Variants in CHCHD6 observed in about 807,000 individuals in gnomAD.
The protein encoded by CHCHD6 is coiled-coil-helix-coiled-coil-helix domain containing 6, also known as MICOS complex subunit MIC25.
A neutral mutation model predicts 32.3 loss-of-function variants in CHCHD6; 28 were observed. The observed-to-expected ratio is 0.87, with a 90% CI of 0.64 to 1.19. The LOEUF is 1.19. Among genes scored for constraint, CHCHD6 ranks in the 50% most tolerant of loss-of-function variants. The probability of loss-of-function intolerance (pLI) is 0.00; values close to 1 mark genes in which losing one functional copy is unlikely to be tolerated. For synonymous variants in CHCHD6, 122 were observed against 117.5 expected (o/e 1.04, Z -0.25); for missense variants, 333 against 307.0 (o/e 1.08, Z -0.63).
At chr3:126,780,484 T>A (rs554634262) in intron 4 of CHCHD6, 42 of 250,424 alleles carry the variant, frequency 1.7e-4, no homozygotes, top group South Asian at 4.2e-5. Context: ...CTGATGCATA[T>A]ACAAAATAGT....
chr3:126,854,108 C>T (rs529969500), intron 5 of CHCHD6, among the ~76,000 whole-genome samples: 6 of 152,244 alleles, frequency 3.9e-5, no homozygotes, highest in African/African-American at 1.2e-4. Context: ...TGTCATTCTC[C>T]CCTCTCATCT....
chr3:126,929,199 T>A (rs941507883), intron 6 of CHCHD6, among the ~76,000 whole-genome samples: 3 of 152,202 alleles, frequency 2.0e-5, no homozygotes, highest in Admixed American at 2.0e-4. Flanking sequence ...ACACCTGACT[T>A]GGAGTCCCTG....
At chr3:126,952,573 G>A (rs2078729787) in intron 6 of CHCHD6, among the ~76,000 whole-genome samples, 1 of 152,194 alleles carries the variant, frequency 6.6e-6, no homozygotes, top group South Asian at 2.1e-4. Flanking sequence ...GCCGTCAGCT[G>A]AGCAGTGAGG....
intron 6 of CHCHD6, among the ~76,000 whole-genome samples, chr3:126,954,221 C>T (rs571675469): frequency 4.6e-5 from 7 of 152,270 alleles, no homozygotes; most frequent in South Asian, 2.1e-4. Context: ...GGATAGATTT[C>T]GCCATGGCCC....
At chr3:126,706,196 G>A (rs933936904) in intron 1 of CHCHD6, among the ~76,000 whole-genome samples, 35 of 152,164 alleles carry the variant, frequency 2.3e-4, no homozygotes, top group African/African-American at 8.2e-4. Flanking sequence ...CTTTGGGGGT[G>A]CCTTCTTTCA....
intron 4 of CHCHD6, among the ~76,000 whole-genome samples, chr3:126,779,145 G>A (rs1375125686): frequency 6.6e-6 from 1 of 152,000 alleles, no homozygotes; most frequent in Non-Finnish European, 1.5e-5. Flanking sequence ...CACTGTGCCT[G>A]GTAATTTTTC....
chr3:126,716,849 C>A (rs1173774711), intron 1 of CHCHD6, among the ~76,000 whole-genome samples: 7 of 151,956 alleles, frequency 4.6e-5, no homozygotes, highest in Admixed American at 4.6e-4. Context: ...ACAGGGGAGT[C>A]GGGGAAATGC....
intron 5 of CHCHD6, among the ~76,000 whole-genome samples, chr3:126,880,925 T>G (rs1287057003): frequency 6.6e-6 from 1 of 152,180 alleles, no homozygotes; most frequent in Non-Finnish European, 1.5e-5. Flanking sequence ...GGAACATGGA[T>G]CTAATGCACA....
chr3:126,830,410 G>A (rs1404309820), intron 4 of CHCHD6, among the ~76,000 whole-genome samples: 1 of 152,220 alleles, frequency 6.6e-6, no homozygotes, highest in Non-Finnish European at 1.5e-5. Context: ...TGTGGCTTCA[G>A]CTGCCATGCA....
intron 6 of CHCHD6, among the ~76,000 whole-genome samples, chr3:126,939,670 A>C (rs527884960): frequency 9.2e-5 from 14 of 152,256 alleles, no homozygotes; most frequent in Non-Finnish European, 1.5e-4. Context: ...GACATGGAAC[A>C]AGATGGGACG....
intron 4 of CHCHD6, among the ~76,000 whole-genome samples, chr3:126,822,809 C>T (rs73203604): frequency 0.11 from 17,122 of 152,152 alleles, 1,016 homozygotes; most frequent in Middle Eastern, 0.21. Flanking sequence ...TGGATTGTTT[C>T]TAGACTGTGT....
intron 4 of CHCHD6, among the ~76,000 whole-genome samples, chr3:126,758,788 C>T (rs925161766): frequency 1.3e-5 from 2 of 152,114 alleles, no homozygotes; most frequent in Admixed American, 6.5e-5. Context: ...GGTCTGAGAC[C>T]GCCCTGTGTC....
intron 6 of CHCHD6, among the ~76,000 whole-genome samples, chr3:126,941,576 G>A (rs1298554243): frequency 5.9e-5 from 9 of 152,094 alleles, no homozygotes; most frequent in Non-Finnish European, 1.3e-4. Context: ...GGATAAGTGC[G>A]TCCTTTTGAG....
intron 4 of CHCHD6, among the ~76,000 whole-genome samples, chr3:126,739,550 T>G (rs941537849): frequency 6.6e-6 from 1 of 152,170 alleles, no homozygotes; most frequent in Non-Finnish European, 1.5e-5. Flanking sequence ...GCACTGGTGG[T>G]GGTCCAAGTT....
chr3:126,926,409 T>C, intron 6 of CHCHD6, among the ~76,000 whole-genome samples: 1 of 152,128 alleles, frequency 6.6e-6, no homozygotes, highest in Middle Eastern at 3.2e-3. Flanking sequence ...GCCGCAGCTG[T>C]GAATGAGGAA....
intron 6 of CHCHD6, among the ~76,000 whole-genome samples, chr3:126,953,529 C>T (rs1296444035): frequency 6.6e-6 from 1 of 152,246 alleles, no homozygotes; most frequent in East Asian, 1.9e-4. Flanking sequence ...CCTGGCCCCA[C>T]CTCGGTTTCT....
intron 5 of CHCHD6, among the ~76,000 whole-genome samples, chr3:126,866,981 A>G (rs1576527477): frequency 6.6e-6 from 1 of 152,148 alleles, no homozygotes; most frequent in African/African-American, 2.4e-5. Context: ...GTAAGTCAGG[A>G]TCCACCAGGG....
chr3:126,713,443 G>A (rs142340661), intron 1 of CHCHD6, among the ~76,000 whole-genome samples: 56 of 152,276 alleles, frequency 3.7e-4, no homozygotes, highest in Non-Finnish European at 6.5e-4. Context: ...ATGTGTGGGC[G>A]CCACTTTCTG....
At chr3:126,705,782 T>C (rs761743621) in intron 1 of CHCHD6, among the ~76,000 whole-genome samples, 1 of 152,110 alleles carries the variant, frequency 6.6e-6, no homozygotes, top group Non-Finnish European at 1.5e-5. Context: ...ATTAGCTGTG[T>C]GACCTTGGGT....
Sources: allele counts gnomAD v4.1 joint callset (sites outside exome capture counted in the v4.1 genomes callset), GRCh38; gene constraint gnomAD v4.1.1; transcripts MANE v1.5; gene names NCBI Gene and HGNC (gene_info 2026-07-23, HGNC 2026-07-21).